SNX25: variants seen among roughly 807,000 people sequenced by gnomAD.
SNX25 encodes the protein sorting nexin-25.
A neutral mutation model predicts 113.7 loss-of-function variants in SNX25; 62 were observed. The observed-to-expected ratio is 0.55, with a 90% CI of 0.44 to 0.67. The LOEUF (loss-of-function observed/expected upper bound fraction) is 0.67, where lower values mean the gene tolerates loss of function less well. SNX25 is among the 30% of genes least tolerant of loss of function. The pLI is 0.00. For synonymous variants in SNX25, 421 were observed against 436.2 expected (o/e 0.97, Z 0.43); for missense variants, 1,014 against 1,161.0 (o/e 0.87, Z 1.84).
upstream of SNX25, among the ~76,000 whole-genome samples, chr4:185,207,481 G>A (rs1343446905): frequency 6.6e-6 from 1 of 152,048 alleles, no homozygotes; most frequent in Non-Finnish European, 1.5e-5. Context: ...GCTTCCCAAA[G>A]TGCTGGGATT....
downstream of SNX25, chr4:185,370,581 G>T: frequency 1.9e-6 from 3 of 1,546,558 alleles, no homozygotes; most frequent in Non-Finnish European, 2.7e-6. Flanking sequence ...TATTCAAGTT[G>T]CAGCTAAAAG....
At chr4:185,320,209 A>G (rs1290840131) in intron 7 of SNX25, among the ~76,000 whole-genome samples, 1 of 152,216 alleles carries the variant, frequency 6.6e-6, no homozygotes, top group Non-Finnish European at 1.5e-5. Context: ...TACAATAGCA[A>G]AGTCATGGAA....
At chr4:185,291,401 CT>C (rs1024118625) in intron 6 of SNX25, among the ~76,000 whole-genome samples, 1 of 152,206 alleles carries the variant, frequency 6.6e-6, no homozygotes, top group African/African-American at 2.4e-5. Flanking sequence ...CACCATTCTA[CT>C]TTCTGTCTCT....
In SNX25 at chr4:185,232,293, C is replaced by T. The variant is rs561331909; in HGVS notation, c.430-15001C>T. Among the ~76,000 whole-genome samples, 9 of 152,138 alleles carry T rather than the reference C, an allele frequency of 5.9e-5. No individual in the cohort carries two copies. The highest frequency in any genetic ancestry group is 9.7e-5 in the African/African-American group (4 of 41,418). On this transcript the variant is annotated intron_variant, in intron 1 of 18. Coordinates refer to ENST00000652585, the MANE Select transcript of SNX25 (RefSeq NM_001378034.2). This position sits in a 1 kb window ranked among gnomAD's most constrained non-coding sequence, Gnocchi z 4.4. The stretch of plus-strand genomic sequence containing the variant: ...CCAGTTCCTCATTGGTCTAGTACTA[C>T]GGGGTTACAATCTTCCCGGACATCG...
chr4:185,269,263 A>G (rs1435869737), intron 5 of SNX25, among the ~76,000 whole-genome samples: 1 of 151,938 alleles, frequency 6.6e-6, no homozygotes, highest in Admixed American at 6.6e-5. Context: ...AACTGTACGT[A>G]CACACACACA....
chr4:185,269,081 G>A (rs1748544262), intron 5 of SNX25, among the ~76,000 whole-genome samples: 1 of 152,070 alleles, frequency 6.6e-6, no homozygotes, highest in Admixed American at 6.5e-5. Flanking sequence ...TAAGTGTGAT[G>A]CTTGAGCTAG....
chr4:185,208,066 T>G (rs147943393), upstream of SNX25, among the ~76,000 whole-genome samples: 4 of 152,302 alleles, frequency 2.6e-5, no homozygotes, highest in East Asian at 7.7e-4. Flanking sequence ...ACAACTATTT[T>G]AGAGGCAAAA....
chr4:185,229,366 G>A (rs772023951), intron 1 of SNX25, among the ~76,000 whole-genome samples: 6 of 152,320 alleles, frequency 3.9e-5, no homozygotes, highest in Non-Finnish European at 8.8e-5. Flanking sequence ...ATGGGCGAGC[G>A]CCGTGGAGTG....
At chr4:185,234,145 A>G (rs1026376567) in intron 1 of SNX25, among the ~76,000 whole-genome samples, 3 of 152,188 alleles carry the variant, frequency 2.0e-5, no homozygotes, top group South Asian at 4.1e-4. Context: ...GGTGTGAGCC[A>G]CCATGCCCAA....
intron 7 of SNX25, among the ~76,000 whole-genome samples, chr4:185,319,323 A>G (rs1410971961): frequency 6.8e-6 from 1 of 147,090 alleles, no homozygotes; most frequent in South Asian, 2.2e-4. Flanking sequence ...TCAGCCTCCC[A>G]AGTAGCTGGG....
chr4:185,223,611 T>G (rs1740363044), intron 1 of SNX25, among the ~76,000 whole-genome samples: 1 of 151,994 alleles, frequency 6.6e-6, no homozygotes, highest in Non-Finnish European at 1.5e-5. Flanking sequence ...AAACCCTGTC[T>G]CTACTAAAAA....
At chr4:185,266,776 A>G (rs1319532064) in intron 4 of SNX25, among the ~76,000 whole-genome samples, 193 bp from the exon 5 acceptor site, 2 of 152,208 alleles carry the variant, frequency 1.3e-5, no homozygotes, top group African/African-American at 2.4e-5. Flanking sequence ...GGATGATAAC[A>G]TATTTGGAGG....
chr4:185,308,429 C>G (rs998657658), intron 6 of SNX25, among the ~76,000 whole-genome samples: 4 of 152,176 alleles, frequency 2.6e-5, no homozygotes, highest in African/African-American at 9.7e-5. Context: ...CTGGGGGTCC[C>G]TAGTGATCTT....
intron 6 of SNX25, among the ~76,000 whole-genome samples, chr4:185,304,532 T>C (rs1330326677): frequency 6.6e-6 from 1 of 152,086 alleles, no homozygotes; most frequent in African/African-American, 2.4e-5. Flanking sequence ...TAATTTAGTG[T>C]TTTTAGTAGA....
intron 6 of SNX25, among the ~76,000 whole-genome samples, chr4:185,304,471 GC>G (rs1754166910): frequency 1.3e-5 from 2 of 152,100 alleles, no homozygotes; most frequent in African/African-American, 4.8e-5. Context: ...AATTCCCCTG[GC>G]TCAGCCTCTC....
In SNX25 at chr4:185,362,123, A is replaced by G; in HGVS notation, c.2833+18A>G. The G allele has an allele frequency of 6.3e-7, 1 of 1,593,136 alleles. No individual in the cohort carries two copies. On this transcript the variant is annotated intron_variant, in intron 17 of 18. Coordinates refer to ENST00000652585, the MANE Select transcript of SNX25 (RefSeq NM_001378034.2). ...CATTCCAGGTGAGGCCTGGGCTATT[A>G]GCCTGAAAAGCATAGAGATCTGAGG... is the stretch of plus-strand genomic sequence containing the variant.
At chr4:185,217,885 A>G (rs1291204710) in intron 1 of SNX25, among the ~76,000 whole-genome samples, 1 of 152,190 alleles carries the variant, frequency 6.6e-6, no homozygotes, top group African/African-American at 2.4e-5. Context: ...TAACATTGCA[A>G]CTGTACTTTT....
chr4:185,290,533 G>A (rs1026038936), intron 6 of SNX25, among the ~76,000 whole-genome samples: 1 of 152,182 alleles, frequency 6.6e-6, no homozygotes, highest in Non-Finnish European at 1.5e-5. Context: ...ATAGTATAAT[G>A]CTCCAGTGGA....
chr4:185,266,869 G>T, intron 4 of SNX25, 100 bp from the exon 5 acceptor site: 1 of 1,224,672 alleles, frequency 8.2e-7, no homozygotes, highest in Non-Finnish European at 1.1e-6. Flanking sequence ...TTGACTACTT[G>T]AAAAATGTTT....
Sources: gnomAD v4.1 joint callset for allele counts (sites outside exome capture counted in the v4.1 genomes callset) on GRCh38, gnomAD v4.1.1 for gene constraint, Gnocchi (gnomAD v3.1) non-coding constraint, MANE v1.5 for transcripts, NCBI Gene and HGNC (gene_info 2026-07-23, HGNC 2026-07-21) for gene names.